The following SRGAP3 variants were observed in gnomAD, a reference collection of about 807,000 sequenced individuals.
The protein encoded by SRGAP3 is SLIT-ROBO Rho GTPase-activating protein 3.
A neutral mutation model predicts 121.1 loss-of-function variants in SRGAP3; 39 were observed. The observed-to-expected ratio is 0.32, with a 90% CI of 0.25 to 0.42. The LOEUF is 0.42. Ranked by LOEUF, SRGAP3 falls within the 10% of genes least tolerant of loss-of-function variation. The pLI is 1.00. For synonymous variants in SRGAP3, 601 were observed against 570.0 expected, an observed-to-expected ratio of 1.05 and a Z score of -0.77; for missense variants, 1,213 against 1,470.6, an observed-to-expected ratio of 0.82 and a Z score of 2.86.
At chr3:8,997,666 T>C (rs750846970) in intron 18 of SRGAP3, among the ~76,000 whole-genome samples, 1 of 152,192 alleles carries the variant, frequency 6.6e-6, no homozygotes, top group Non-Finnish European at 1.5e-5. Flanking sequence ...CATCCTAGTA[T>C]GACATTTTTT....
At chr3:9,260,613 G>A (rs999365710) in intron 3 of SRGAP3, among the ~76,000 whole-genome samples, 1 of 152,190 alleles carries the variant, frequency 6.6e-6, no homozygotes, top group Admixed American at 6.5e-5. Flanking sequence ...CTCCTCTCTG[G>A]GCAGGGCATC....
intron 11 of SRGAP3, chr3:9,033,915 T>C (rs1333832839): frequency 1.3e-5 from 2 of 152,268 alleles, no homozygotes; most frequent in African/African-American, 2.4e-5. Context: ...GCCACCATCA[T>C]GGAGCCTTAG....
chr3:9,029,155 G>T (rs1193763550), intron 12 of SRGAP3, among the ~76,000 whole-genome samples: 1 of 152,156 alleles, frequency 6.6e-6, no homozygotes, highest in Non-Finnish European at 1.5e-5. Context: ...CAGGCTGTAT[G>T]AGCAATATGC....
At chr3:9,074,761 A>T (rs1299947858) in intron 4 of SRGAP3, among the ~76,000 whole-genome samples, 1 of 152,230 alleles carries the variant, frequency 6.6e-6, no homozygotes, top group Non-Finnish European at 1.5e-5. Context: ...TTGATGTCAC[A>T]TCCCTGAGCC....
At chr3:9,056,793 T>C (rs2664097) in intron 7 of SRGAP3, among the ~76,000 whole-genome samples, 129,603 of 152,174 alleles carry the variant, frequency 0.85, 55,587 homozygotes, top group African/African-American at 0.95. Flanking sequence ...TGAGACAATG[T>C]GCTCTCACAG....
At chr3:9,025,875 G>C (rs897318879) in intron 13 of SRGAP3, among the ~76,000 whole-genome samples, 5 of 152,058 alleles carry the variant, frequency 3.3e-5, no homozygotes, top group African/African-American at 1.2e-4. Context: ...CCCTATCTCT[G>C]TTTTTCTATA....
Position 8,980,754 on chromosome 3 carries a change from C to T in SRGAP3, c.*4765G>A, listed in dbSNP as rs565959784. The stretch of plus-strand genomic sequence containing the variant: ...CAGAAGAGGGCAACATTTATCATCA[C>T]GTGGGGACAGGCAACCAGCAATTTC... On this transcript the variant is annotated 3_prime_UTR_variant, in exon 22 of 22. Transcript: ENST00000383836. The T allele has an allele frequency of 1.7e-5, 4 of 232,922 alleles. No individual in the cohort carries two copies. Among genetic ancestry groups the T allele is most frequent in the East Asian group, 1.2e-4 (2 of 16,490 alleles). The allele number at this position is 232,922 out of a possible 1,614,324, so 14.4% of individuals were successfully genotyped here.
At chr3:9,114,150 T>A (rs1575093898) in intron 2 of SRGAP3, among the ~76,000 whole-genome samples, 1 of 152,184 alleles carries the variant, frequency 6.6e-6, no homozygotes, top group South Asian at 2.1e-4. Context: ...ATGCCAATTC[T>A]GTCCCTCACC....
At position 9,249,301 on chromosome 3, in the gene SRGAP3, A is replaced by G. The variant is rs1170287994; in HGVS notation, c.-350T>C. The G allele has an allele frequency of 2.2e-6, 1 of 444,854 alleles. No homozygotes were observed. The highest frequency in any genetic ancestry group is 4.2e-6 in the Non-Finnish European group (1 of 238,890). The allele number at this position is 444,854 out of a possible 1,614,324, so 27.6% of individuals were successfully genotyped here. ...CGCACTCACACACACATGCACACGTACACACACTCACGCATGCACAGGCAC... is the reference window on the plus strand; with the variant it reads ...CGCACTCACACACACATGCACACGTGCACACACTCACGCATGCACAGGCAC... On this transcript the variant is annotated 5_prime_UTR_variant, in exon 1 of 22. Coordinates refer to ENST00000383836, the MANE Select transcript of SRGAP3 (RefSeq NM_014850.4).
At chr3:9,081,048 CA>C (rs36040921) in intron 3 of SRGAP3, among the ~76,000 whole-genome samples, 7 of 152,260 alleles carry the variant, frequency 4.6e-5, no homozygotes, top group African/African-American at 1.7e-4. Flanking sequence ...GTCCCTGGTG[CA>C]AAAAAGGTTG....
chr3:9,334,761 C>T (rs1392157554), intron 1 of SRGAP3, among the ~76,000 whole-genome samples: 1 of 152,118 alleles, frequency 6.6e-6, no homozygotes, highest in Non-Finnish European at 1.5e-5. Flanking sequence ...AAGCACTGAA[C>T]CAAAAGTGAA....
chr3:9,274,586 A>G (rs559438027), intron 3 of SRGAP3, among the ~76,000 whole-genome samples: 1 of 152,334 alleles, frequency 6.6e-6, no homozygotes, highest in African/African-American at 2.4e-5. Flanking sequence ...TTAAGTGTTA[A>G]CAGCTCGGTG....
chr3:9,346,269 G>C (rs571613375), intron 1 of SRGAP3, among the ~76,000 whole-genome samples: 121 of 151,670 alleles, frequency 8.0e-4, no homozygotes, highest in African/African-American at 2.9e-3. Flanking sequence ...TTTAGAGATT[G>C]GGTCTTGCTC....
intron 4 of SRGAP3, chr3:9,065,383 G>A (rs1239629789): frequency 1.3e-5 from 2 of 152,320 alleles, no homozygotes; most frequent in East Asian, 3.9e-4. Context: ...AGGCTCGGAG[G>A]TGCAAAGTAT....
At chr3:9,177,867 C>A (rs1185010419) in intron 1 of SRGAP3, among the ~76,000 whole-genome samples, 1 of 152,150 alleles carries the variant, frequency 6.6e-6, no homozygotes, top group African/African-American at 2.4e-5. Flanking sequence ...TAGGGATAGA[C>A]CCAGAGATGG....
intron 3 of SRGAP3, among the ~76,000 whole-genome samples, chr3:9,315,769 T>C (rs886156145): frequency 1.3e-5 from 2 of 152,076 alleles, no homozygotes; most frequent in African/African-American, 4.8e-5. Context: ...AGCGCCTAAA[T>C]GATGATAATG....
rs1401443968 is a variant in SRGAP3 at position 9,214,146 on chromosome 3, A to ACACACACACACACACACACATG, written c.67+34738_67+34739insCATGTGTGTGTGTGTGTGTGTG. ...CACACACACACACACACACACATGC[A>ACACACACACACACACACACATG]CACACACACACAAGAATATAAGCTC... On this transcript the variant is annotated intron_variant, in intron 1 of 21. Transcript: ENST00000383836. Among the ~76,000 whole-genome samples the ACACACACACACACACACACATG allele has an allele frequency of 2.2e-3, 332 of 151,654 alleles. 1 individual carries two copies. The highest frequency in any genetic ancestry group is 8.5e-3 in the South Asian group (41 of 4,796).
chr3:9,172,948 A>C (rs908923204), intron 1 of SRGAP3, among the ~76,000 whole-genome samples: 1 of 152,240 alleles, frequency 6.6e-6, no homozygotes, highest in Non-Finnish European at 1.5e-5. Flanking sequence ...GGAAGGCCAG[A>C]GGGAGAAGTA....
chr3:9,160,238 A>G (rs1560300671), intron 1 of SRGAP3, among the ~76,000 whole-genome samples: 1 of 152,220 alleles, frequency 6.6e-6, no homozygotes, highest in Non-Finnish European at 1.5e-5. Flanking sequence ...CTCTCTTTAA[A>G]AGAGACCTAA....
Sources: allele counts gnomAD v4.1 joint callset (sites outside exome capture counted in the v4.1 genomes callset), GRCh38; gene constraint gnomAD v4.1.1; transcripts MANE v1.5; gene names NCBI Gene and HGNC (gene_info 2026-07-23, HGNC 2026-07-21).